Variants in ADCY5 observed in about 807,000 individuals in gnomAD.
ADCY5 encodes adenylate cyclase 5.
A neutral mutation model predicts 119.7 loss-of-function variants in ADCY5; 30 were observed. The ratio of observed to expected loss-of-function variants is 0.25; its 90% CI spans 0.19 to 0.34. ADCY5 has a LOEUF of 0.34. Ranked by LOEUF, ADCY5 falls within the 10% of genes least tolerant of loss-of-function variation. ADCY5 has a pLI of 1.00. For missense variants in ADCY5, 1,324 were observed against 1,775.2 expected, an observed-to-expected ratio of 0.75 and a Z score of 4.57; for synonymous variants, 753 against 762.2, an observed-to-expected ratio of 0.99 and a Z score of 0.20.
At chr3:123,439,034 G>A (rs1482861591) in intron 1 of ADCY5, among the ~76,000 whole-genome samples, 4 of 145,340 alleles carry the variant, frequency 2.8e-5, no homozygotes, top group African/African-American at 5.1e-5. Flanking sequence ...TTACAGGCAC[G>A]AGCCACTGTG....
chr3:123,397,349 T>C (rs575922670), intron 1 of ADCY5, among the ~76,000 whole-genome samples: 2 of 152,312 alleles, frequency 1.3e-5, no homozygotes, highest in East Asian at 3.9e-4. Flanking sequence ...TTAATCACCA[T>C]GGCTGGCCAG....
At position 123,332,636 on chromosome 3, in the gene ADCY5, C is replaced by T. The variant is rs758163702; in HGVS notation, c.1446G>A (p.Ala482=). The T allele has an allele frequency of 5.3e-5, 85 of 1,613,694 alleles. No individual in the cohort carries two copies. Among genetic ancestry groups the T allele is most frequent in the South Asian group, 2.1e-4 (19 of 90,970 alleles). The part of the protein sequence containing the change: ...FADIEGFTSL[A]SQCTAQELVM... ...CCAGTTCCTGTGCAGTGCACTGGGACGCCAGGCTGGTGAAGCCCTCGATGT... is the reference window on the plus strand; with the variant it reads ...CCAGTTCCTGTGCAGTGCACTGGGATGCCAGGCTGGTGAAGCCCTCGATGT... The change falls in exon 4 of 21, where the codon GCG becomes GCA. Residue 482 remains alanine, a synonymous_variant. Coordinates refer to ENST00000462833, the MANE Select transcript of ADCY5 (RefSeq NM_183357.3).
Position 123,448,690 on chromosome 3 carries a change from T to C in ADCY5, c.-145A>G. 1.6e-6 allele frequency: 1 copy of C among 644,666 alleles called. No individual in the cohort carries two copies. The highest frequency in any genetic ancestry group is 2.2e-6 in the Non-Finnish European group (1 of 451,456). The allele number at this position is 644,666 out of a possible 1,614,324, so 39.9% of individuals were successfully genotyped here. A position where few individuals can be genotyped will look rare whatever the true frequency, so the allele number is the denominator to read the frequency against. Reference sequence around the variant, plus strand: ...CGGGGCCCTGCGCTGCAGCGGGGCATCTTGGCACCCCCGTCCTGAGCGGAG... The same window carrying C: ...CGGGGCCCTGCGCTGCAGCGGGGCACCTTGGCACCCCCGTCCTGAGCGGAG... On this transcript the variant is annotated 5_prime_UTR_variant, in exon 1 of 21. An upstream start codon of the reference 5' UTR is lost. Coordinates refer to ENST00000462833, the MANE Select transcript of ADCY5 (RefSeq NM_183357.3).
chr3:123,366,241 C>A (rs1444212965), intron 1 of ADCY5, among the ~76,000 whole-genome samples: 1 of 152,176 alleles, frequency 6.6e-6, no homozygotes, highest in Non-Finnish European at 1.5e-5. Flanking sequence ...TGCTGTTGTA[C>A]AAAGGGGAGG....
At chr3:123,377,024 C>A (rs1943860119) in intron 1 of ADCY5, among the ~76,000 whole-genome samples, 1 of 152,074 alleles carries the variant, frequency 6.6e-6, no homozygotes, top group South Asian at 2.1e-4. Flanking sequence ...TCGGCTCCAG[C>A]CCTTCTAAAA....
At chr3:123,332,814 G>A (rs1941825616) in intron 3 of ADCY5, 139 bp from the exon 4 acceptor site, 1 of 614,150 alleles carries the variant, frequency 1.6e-6, no homozygotes, top group Non-Finnish European at 2.9e-6. Context: ...GAGTGCAGTG[G>A]TGTGATCAAG....
chr3:123,378,538 T>G (rs2107550990), intron 1 of ADCY5, among the ~76,000 whole-genome samples: 1 of 152,248 alleles, frequency 6.6e-6, no homozygotes, highest in African/African-American at 2.4e-5. Flanking sequence ...AGGCGATGAC[T>G]GAGCTCCCAC....
chr3:123,355,189 T>C (rs189858719), intron 1 of ADCY5, among the ~76,000 whole-genome samples: 2 of 152,196 alleles, frequency 1.3e-5, no homozygotes, highest in South Asian at 4.1e-4. Context: ...GATGACATGA[T>C]TGTCTATGTA....
Position 123,303,153 on chromosome 3 carries a change from C to A in ADCY5, c.2626G>T (p.Val876Phe), listed in dbSNP as rs1331162865. Residue 876 changes from valine (V) to phenylalanine (F), a missense_variant, in exon 14 of 21, where the codon GTC becomes TTC. Physicochemically the swap from Val to Phe is conservative, Grantham distance 50. This residue lies in a region of ADCY5 where 424 missense variants were observed against 546.8 expected (regional missense o/e 0.78). Transcript: ENST00000462833. ...GACTCCGCCACGTGACACGCGTTGA[C>A]CTGGCTCGCGCTGATGTTGTGCTCC... ...AQEHNISASQ[V>F]NACHVAESAV... 1.2e-6 allele frequency: 2 copies of A among 1,613,916 alleles called. No individual in the cohort carries two copies. Among genetic ancestry groups the A allele is most frequent in the Non-Finnish European group, 1.7e-6 (2 of 1,180,046 alleles).
At chr3:123,427,859 G>T (rs1945444286) in intron 1 of ADCY5, among the ~76,000 whole-genome samples, 1 of 152,174 alleles carries the variant, frequency 6.6e-6, no homozygotes, top group Admixed American at 6.5e-5. Flanking sequence ...TGTTCATCTT[G>T]GTTTCCCAGT....
intron 1 of ADCY5, among the ~76,000 whole-genome samples, chr3:123,420,713 C>A (rs1056744714): frequency 6.6e-6 from 1 of 152,188 alleles, no homozygotes; most frequent in African/African-American, 2.4e-5. Flanking sequence ...CACCATACCC[C>A]CTTCAGATCC....
intron 3 of ADCY5, among the ~76,000 whole-genome samples, chr3:123,335,812 A>C (rs1293468728): frequency 1.3e-5 from 2 of 152,236 alleles, no homozygotes; most frequent in Non-Finnish European, 2.9e-5. Context: ...GGAGAAGCAC[A>C]GGAGGGCAGC....
intron 1 of ADCY5, among the ~76,000 whole-genome samples, chr3:123,393,458 G>A (rs1346190957): frequency 6.6e-6 from 1 of 152,024 alleles, no homozygotes; most frequent in Admixed American, 6.6e-5. Context: ...CAGGGAGGCT[G>A]AACCAACAGG....
At chr3:123,293,684 G>A (rs947740196) in intron 17 of ADCY5, among the ~76,000 whole-genome samples, 2 of 152,198 alleles carry the variant, frequency 1.3e-5, no homozygotes, top group Admixed American at 1.3e-4. Context: ...ACGGAACAGG[G>A]AAGGCTGGGA....
intron 12 of ADCY5, among the ~76,000 whole-genome samples, chr3:123,308,675 A>G (rs1940355414): frequency 6.6e-6 from 1 of 151,966 alleles, no homozygotes; most frequent in Non-Finnish European, 1.5e-5. Context: ...TAAAAATACA[A>G]AAAATTAGCC....
chr3:123,349,618 T>C (rs953258656), intron 2 of ADCY5, among the ~76,000 whole-genome samples: 1 of 152,070 alleles, frequency 6.6e-6, no homozygotes, highest in African/African-American at 2.4e-5. Flanking sequence ...AACTCACTCT[T>C]CCTTATTTTC....
At chr3:123,423,830 G>A (rs1478731382) in intron 1 of ADCY5, among the ~76,000 whole-genome samples, 1 of 152,182 alleles carries the variant, frequency 6.6e-6, no homozygotes, top group Admixed American at 6.5e-5. Context: ...GAGAGCATAG[G>A]TGGCCACCCC....
intron 1 of ADCY5, among the ~76,000 whole-genome samples, chr3:123,410,383 G>A (rs977921077): frequency 2.0e-5 from 3 of 151,316 alleles, no homozygotes; most frequent in Non-Finnish European, 2.9e-5. Flanking sequence ...GCAGCCTGGG[G>A]CCACCCCGTA....
intron 1 of ADCY5, among the ~76,000 whole-genome samples, chr3:123,408,868 G>A (rs748034788): frequency 1.3e-4 from 19 of 151,634 alleles, no homozygotes; most frequent in Non-Finnish European, 2.4e-4. Context: ...CCAGCTACTA[G>A]GGAGGCTGAG....
Sources: gnomAD v4.1 joint callset for allele counts (sites outside exome capture counted in the v4.1 genomes callset) on GRCh38, gnomAD v4.1.1 for gene constraint, gnomAD v4.1.1 regional missense constraint, MANE v1.5 for transcripts, NCBI Gene and HGNC (gene_info 2026-07-23, HGNC 2026-07-21) for gene names.